The following NEK10 variants were observed in gnomAD, a reference collection of about 807,000 sequenced individuals.
NEK10 encodes serine/threonine-protein kinase Nek10.
NEK10 carries 122 observed loss-of-function variants against 159.8 expected under a neutral mutation model. The observed-to-expected ratio is 0.76, with a 90% CI of 0.66 to 0.89. NEK10 has a LOEUF of 0.89. Among genes scored for constraint, NEK10 ranks in the 40% least tolerant of loss-of-function variants. The pLI, the probability that NEK10 is intolerant of heterozygous loss-of-function variation, is 0.00. For missense variants in NEK10, 1,342 were observed against 1,323.1 expected, an observed-to-expected ratio of 1.01 and a Z score of -0.22; for synonymous variants, 466 against 457.1, an observed-to-expected ratio of 1.02 and a Z score of -0.25.
At chr3:27,362,368 A>T (rs556055272) in intron 1 of NEK10, among the ~76,000 whole-genome samples, 1 of 152,288 alleles carries the variant, frequency 6.6e-6, no homozygotes, top group Non-Finnish European at 1.5e-5. Context: ...GTTTGGAAGC[A>T]ATGCTATTCT....
chr3:27,346,348 A>C, intron 3 of NEK10, 132 bp from the exon 4 acceptor site: 1 of 891,912 alleles, frequency 1.1e-6, no homozygotes, highest in Non-Finnish European at 1.7e-6. Flanking sequence ...ACCCTTTCAA[A>C]TGTAAGGGTT....
Position 27,256,374 on chromosome 3 carries a change from A to G in NEK10, c.2015-3T>C, listed in dbSNP as rs1467796880. 1.9e-6 allele frequency: 3 copies of G among 1,563,922 alleles called. 1 individual carries two copies. In the South Asian group the frequency reaches 3.6e-5, roughly 19 times the overall value. ...TTGCTTTGCCAGGCCAAAGTCAGCTACAATTCACAAAACAACGCAATATGT... is the reference window on the plus strand; with the variant it reads ...TTGCTTTGCCAGGCCAAAGTCAGCTGCAATTCACAAAACAACGCAATATGT... On this transcript the variant is annotated splice_region_variant and splice_polypyrimidine_tract_variant and intron_variant, in intron 22 of 35. Transcript: ENST00000691995.
rs1228134485 is a variant in NEK10, at chr3:27,108,589, A to C, written c.*2683T>G. Reference sequence around the variant, plus strand: ...TCCATGCAAATATTCAGTTACGGAAATTAGGTGCATTCATAGGAATTTCAT... The same window carrying C: ...TCCATGCAAATATTCAGTTACGGAACTTAGGTGCATTCATAGGAATTTCAT... On this transcript the variant is annotated 3_prime_UTR_variant, in exon 36 of 36. Coordinates refer to ENST00000691995, the MANE Select transcript of NEK10 (RefSeq NM_001394966.1). 6.6e-6 allele frequency among the ~76,000 whole-genome samples: 1 copy of C among 152,240 alleles called. No homozygotes were observed. Among genetic ancestry groups the C allele is most frequent in the Non-Finnish European group, 1.5e-5 (1 of 68,040 alleles).
Position 27,290,642 on chromosome 3 carries a change from G to A in NEK10, c.1718C>T (p.Ser573Phe). ...CTGCTCTTTAATTATTGTTAATTCA[G>A]AAACAATATTCCTTACGCTGCTGTC... ...DRDSSVRNIVSELTIIKEQLY... is the reference protein window; with the variant it reads ...DRDSSVRNIVFELTIIKEQLY... The change falls in exon 19 of 36, where the codon TCT (serine) becomes TTT (phenylalanine). Residue 573 changes from serine (S) to phenylalanine (F), a missense_variant. Ser to Phe is a radical substitution (Grantham distance 155). Coordinates refer to ENST00000691995, the MANE Select transcript of NEK10 (RefSeq NM_001394966.1). 6.3e-7 allele frequency: 1 copy of A among 1,595,440 alleles called. No homozygotes were observed. Among genetic ancestry groups the A allele is most frequent in the Non-Finnish European group, 8.5e-7 (1 of 1,171,462 alleles).
chr3:27,333,739 C>A (rs1048504811), intron 5 of NEK10, among the ~76,000 whole-genome samples: 1 of 151,858 alleles, frequency 6.6e-6, no homozygotes, highest in Non-Finnish European at 1.5e-5. Context: ...AGCAAGGCAC[C>A]ATTCTAGAGC....
chr3:27,135,179 G>C (rs1036529127), intron 31 of NEK10, among the ~76,000 whole-genome samples: 1 of 152,156 alleles, frequency 6.6e-6, no homozygotes, highest in African/African-American at 2.4e-5. Context: ...AGCACTTTGG[G>C]AGGCAAAGGT....
At chr3:27,332,462 CTTG>C (rs1435213144) in intron 5 of NEK10, among the ~76,000 whole-genome samples, 5 of 152,230 alleles carry the variant, frequency 3.3e-5, no homozygotes, top group East Asian at 3.9e-4. Flanking sequence ...CATCATTTTC[CTTG>C]TTAACACTCT....
chr3:27,237,368 G>A (rs972057476), intron 23 of NEK10, among the ~76,000 whole-genome samples: 1 of 152,100 alleles, frequency 6.6e-6, no homozygotes, highest in Non-Finnish European at 1.5e-5. Flanking sequence ...AATTATAAGA[G>A]TATTATTTGG....
At chr3:27,202,066 G>C (rs1950098950) in intron 24 of NEK10, among the ~76,000 whole-genome samples, 2 of 152,090 alleles carry the variant, frequency 1.3e-5, no homozygotes, top group South Asian at 4.1e-4. Context: ...CAGGAGAATT[G>C]CTTGAGCCCA....
chr3:27,218,553 C>T (rs1353521307), intron 23 of NEK10, among the ~76,000 whole-genome samples: 1 of 143,288 alleles, frequency 7.0e-6, no homozygotes, highest in Non-Finnish European at 1.5e-5. Flanking sequence ...TGCAGTGAGC[C>T]GAGATCACGC....
chr3:27,322,470 C>A (rs1044878425), intron 5 of NEK10, among the ~76,000 whole-genome samples: 5 of 152,006 alleles, frequency 3.3e-5, no homozygotes, highest in African/African-American at 1.2e-4. Context: ...GAGGCCCCCC[C>A]CAAACTTATT....
chr3:27,267,468 A>T (rs999349394), intron 22 of NEK10, among the ~76,000 whole-genome samples: 1 of 152,196 alleles, frequency 6.6e-6, no homozygotes, highest in Non-Finnish European at 1.5e-5. Context: ...TTTCAACAGC[A>T]TCTGCTCACT....
intron 22 of NEK10, among the ~76,000 whole-genome samples, chr3:27,279,158 T>C (rs923500495): frequency 2.6e-5 from 4 of 152,200 alleles, no homozygotes; most frequent in African/African-American, 4.8e-5. Context: ...CAAACCAACC[T>C]CAATCTTAAA....
chr3:27,121,537 AACTGGAGTTTG>A (rs1303083960), intron 32 of NEK10, among the ~76,000 whole-genome samples: 1 of 152,002 alleles, frequency 6.6e-6, no homozygotes, highest in Non-Finnish European at 1.5e-5. Flanking sequence ...TAGCCTCAAA[AACTGGAGTTTG>A]CCTGCACAAG....
In NEK10 at chr3:27,304,906, T is replaced by C. The variant is rs369485224; in HGVS notation, c.869A>G (p.Tyr290Cys). Residue 290 changes from tyrosine (Y) to cysteine (C), a missense_variant, in exon 12 of 36, where the codon TAT becomes TGT. Coordinates refer to ENST00000691995, the MANE Select transcript of NEK10 (RefSeq NM_001394966.1). ...EPQVKEQVKL[Y>C]EGIPVLLSLL... The stretch of plus-strand genomic sequence containing the variant: ...ACTGAGGAGGACCGGTATCCCCTCA[T>C]AGAGCTTCACCTGCTCTTTCACCTG... 21 of 1,613,202 alleles carry C rather than the reference T, an allele frequency of 1.3e-5. No individual in the cohort carries two copies. Among genetic ancestry groups the C allele is most frequent in the African/African-American group, 2.7e-5 (2 of 74,902 alleles).
chr3:27,182,953 G>C (rs1948268075), intron 26 of NEK10, among the ~76,000 whole-genome samples: 1 of 151,966 alleles, frequency 6.6e-6, no homozygotes, highest in Admixed American at 6.6e-5. Flanking sequence ...GGATAAAAAA[G>C]GAACGGTTGG....
chr3:27,295,507 AG>A (rs1270089488), intron 15 of NEK10, 105 bp downstream of exon 15: 6 of 1,357,184 alleles, frequency 4.4e-6, no homozygotes, highest in Admixed American at 5.3e-5. Context: ...TAGTCAGTAC[AG>A]GGACCAGTAC....
At chr3:27,314,202 A>G in intron 7 of NEK10, 95 bp downstream of exon 7, 1 of 856,942 alleles carries the variant, frequency 1.2e-6, no homozygotes, top group Non-Finnish European at 1.9e-6. Flanking sequence ...AGCATAACAT[A>G]GGAAAGCCAC....
intron 23 of NEK10, among the ~76,000 whole-genome samples, chr3:27,212,742 C>T (rs1034514603): frequency 1.3e-5 from 2 of 152,140 alleles, no homozygotes; most frequent in Non-Finnish European, 2.9e-5. Flanking sequence ...GAACCCAGGG[C>T]TTGAGTATGT....
Sources: allele counts gnomAD v4.1 joint callset (sites outside exome capture counted in the v4.1 genomes callset), GRCh38; gene constraint gnomAD v4.1.1; transcripts MANE v1.5; gene names NCBI Gene and HGNC (gene_info 2026-07-23, HGNC 2026-07-21).